Variants in PHKA1 observed in about 807,000 individuals in gnomAD.
PHKA1 encodes phosphorylase kinase regulatory subunit alpha 1, also known as phosphorylase b kinase regulatory subunit alpha, skeletal muscle isoform.
Under a neutral mutation model 110.2 loss-of-function variants are expected in PHKA1, and 60 were observed. That is an observed-to-expected ratio of 0.54 (90% CI 0.44 to 0.68). PHKA1 has a LOEUF of 0.68. Ranked by LOEUF, PHKA1 falls within the 30% of genes least tolerant of loss-of-function variation. The pLI is 0.00. For missense variants in PHKA1, 801 were observed against 942.5 expected, an observed-to-expected ratio of 0.85 and a Z score of 1.97; for synonymous variants, 316 against 333.6, an observed-to-expected ratio of 0.95 and a Z score of 0.58.
At chrX:72,689,334 A>T (rs189921026) in intron 4 of PHKA1, among the ~76,000 whole-genome samples, 1 of 111,883 alleles carries the variant, frequency 8.9e-6, no homozygotes, top group Non-Finnish European at 1.9e-5. Context: ...TCCCTTCTAC[A>T]GTTGCCCCCC....
intron 13 of PHKA1, among the ~76,000 whole-genome samples, chrX:72,646,450 G>A (rs1183458676): frequency 8.9e-6 from 1 of 111,927 alleles, no homozygotes; most frequent in African/African-American, 3.2e-5. Flanking sequence ...AAATGAGACG[G>A]CTATAGAGTC....
chrX:72,585,291 A>AT (rs2052407057), intron 29 of PHKA1, among the ~76,000 whole-genome samples: 1 of 111,680 alleles, frequency 9.0e-6, no homozygotes, highest in Non-Finnish European at 1.9e-5. Context: ...CAGCTATAAA[A>AT]TTTTTTTAAC....
intron 5 of PHKA1, among the ~76,000 whole-genome samples, chrX:72,678,080 T>C (rs1303407495): frequency 9.0e-6 from 1 of 111,212 alleles, no homozygotes; most frequent in Non-Finnish European, 1.9e-5. Context: ...AACACTCCCT[T>C]TTTGAACGTT....
At chrX:72,661,774 G>C (rs1335203980) in intron 8 of PHKA1, among the ~76,000 whole-genome samples, 1 of 98,439 alleles carries the variant, frequency 1.0e-5, no homozygotes, top group African/African-American at 3.7e-5. Context: ...AATCAACATA[G>C]AGCACGATGG....
chrX:72,652,492 T>C (rs2053442141), intron 12 of PHKA1, 52 bp downstream of exon 12: 1 of 674,924 alleles, frequency 1.5e-6, no homozygotes, highest in Non-Finnish European at 2.4e-6. Context: ...ATCTGATTAT[T>C]ATGGTGACTT....
chrX:72,668,507 G>A (rs1324654138), intron 6 of PHKA1, among the ~76,000 whole-genome samples: 2 of 111,435 alleles, frequency 1.8e-5, no homozygotes, highest in African/African-American at 6.5e-5. Context: ...TATATCTGTT[G>A]CATTCATATG....
chrX:72,678,717 C>T (rs1379191299), intron 5 of PHKA1, among the ~76,000 whole-genome samples: 1 of 111,886 alleles, frequency 8.9e-6, no homozygotes, highest in East Asian at 2.8e-4. Flanking sequence ...TTTACCTTCC[C>T]ACCTGCAACA....
At chrX:72,681,677 G>C (rs1251092328) in intron 5 of PHKA1, among the ~76,000 whole-genome samples, 1 of 86,981 alleles carries the variant, frequency 1.1e-5, no homozygotes, top group Non-Finnish European at 2.3e-5. Flanking sequence ...AGATGGGGGG[G>C]TCAGCCCCCC....
chrX:72,639,225 T>C (rs1474214609), intron 14 of PHKA1, among the ~76,000 whole-genome samples: 1 of 112,092 alleles, frequency 8.9e-6, no homozygotes, highest in African/African-American at 3.2e-5. Context: ...TGTGTACTTG[T>C]ACGAATGTTA....
intron 22 of PHKA1, among the ~76,000 whole-genome samples, chrX:72,610,655 A>T (rs146674273): frequency 5.9e-4 from 66 of 111,465 alleles, no homozygotes; most frequent in African/African-American, 2.0e-3. Flanking sequence ...GGACTGCTGG[A>T]TCCCATGGTA....
chrX:72,599,715 G>T, intron 28 of PHKA1: 1 of 379,351 alleles, frequency 2.6e-6, no homozygotes, highest in South Asian at 6.9e-5. Flanking sequence ...TTTAATTCTT[G>T]ATTAATTTTT....
chrX:72,619,000 C>A, intron 20 of PHKA1, 151 bp from the exon 21 acceptor site: 1 of 598,770 alleles, frequency 1.7e-6, no homozygotes, highest in Non-Finnish European at 2.7e-6. Flanking sequence ...TGAAACCTTC[C>A]AGATGTATAA....
intron 23 of PHKA1, among the ~76,000 whole-genome samples, chrX:72,606,566 T>A (rs1315308227): frequency 1.8e-5 from 2 of 111,410 alleles, no homozygotes; most frequent in African/African-American, 6.5e-5. Flanking sequence ...CTTTAAATTT[T>A]TTTTTAATTT....
intron 4 of PHKA1, 24 bp from the exon 5 acceptor site, chrX:72,684,604 A>G: frequency 1.0e-6 from 1 of 958,033 alleles, no homozygotes. Flanking sequence ...GAATAAAGAT[A>G]CAGAACTGGT....
In PHKA1 at chrX:72,636,415, T is replaced by C. The variant is rs782497841; in HGVS notation, c.1460-29A>G. 5.6e-6 allele frequency: 5 copies of C among 891,284 alleles called. No individual in the cohort carries two copies. In the South Asian group the frequency reaches 7.9e-5, roughly 14 times the overall value. The allele number at this position is 891,284 out of a possible 1,213,427, so 73.5% of individuals were successfully genotyped here. ...ATACAGAATTGAGAAATGGTAAAAA[T>C]ATTTCTAGAGCACAAATCAAATCAG... On this transcript the variant is annotated intron_variant, in intron 14 of 31. Coordinates refer to ENST00000373542, the MANE Select transcript of PHKA1 (RefSeq NM_002637.4).
intron 16 of PHKA1, among the ~76,000 whole-genome samples, chrX:72,632,205 T>A (rs782397184): frequency 3.6e-4 from 40 of 111,903 alleles, no homozygotes; most frequent in African/African-American, 1.2e-3. Flanking sequence ...CTCCTCTATG[T>A]CTTTAATTAT....
At chrX:72,643,924 A>G (rs2053327701) in intron 14 of PHKA1, among the ~76,000 whole-genome samples, 1 of 112,045 alleles carries the variant, frequency 8.9e-6, no homozygotes, top group East Asian at 2.8e-4. Context: ...TAATTAAAAA[A>G]ATAAGTACTA....
rs1556204646 is a variant in PHKA1, at chrX:72,582,608, A to AG, written c.3298-11dup. 1 of 1,107,817 alleles carries AG rather than the reference A, an allele frequency of 9.0e-7. No homozygotes were observed. The highest frequency in any genetic ancestry group is 1.2e-6 in the Non-Finnish European group (1 of 803,036). 91.3% of individuals were successfully genotyped at this position (1,107,817 alleles called of 1,213,427 possible). ...TCTCACCTGGAGTCATCTGTGATAGAGAAAAAGAAAATCACTTCCTAAGAG... is the reference window on the plus strand; with the variant it reads ...TCTCACCTGGAGTCATCTGTGATAGAGGAAAAAGAAAATCACTTCCTAAGAG... On this transcript the variant is annotated splice_polypyrimidine_tract_variant and intron_variant, in intron 30 of 31. Transcript: ENST00000373542.
chrX:72,625,419 T>C (rs2053045814), intron 17 of PHKA1, among the ~76,000 whole-genome samples: 1 of 111,621 alleles, frequency 9.0e-6, no homozygotes, highest in African/African-American at 3.3e-5. Flanking sequence ...TATGAATTCA[T>C]GTTGCTGCAA....
Sources: allele counts gnomAD v4.1 joint callset (sites outside exome capture counted in the v4.1 genomes callset), GRCh38; gene constraint gnomAD v4.1.1; transcripts MANE v1.5; gene names NCBI Gene and HGNC (gene_info 2026-07-23, HGNC 2026-07-21).